Variants in CHRDL2 observed in about 807,000 individuals in gnomAD.
CHRDL2 encodes the protein chordin-like protein 2.
Under a neutral mutation model 54.3 loss-of-function variants are expected in CHRDL2, and 41 were observed. The ratio of observed to expected loss-of-function variants is 0.76; its 90% CI spans 0.59 to 0.98. The LOEUF is 0.98. Among genes scored for constraint, CHRDL2 ranks in the 50% least tolerant of loss-of-function variants. CHRDL2 has a pLI of 0.00. For missense variants in CHRDL2, 518 were observed against 562.4 expected (o/e 0.92, Z 0.80); for synonymous variants, 220 against 224.3 (o/e 0.98, Z 0.17).
intron 1 of CHRDL2, among the ~76,000 whole-genome samples, chr11:74,724,359 TTA>T (rs1216267157): frequency 2.0e-5 from 3 of 152,258 alleles, no homozygotes; most frequent in Non-Finnish European, 2.9e-5. Context: ...CCAAATCTCT[TTA>T]CCTGTCTGAA....
rs773832883 is a variant in CHRDL2 at position 74,706,534 on chromosome 11, T to C, written c.535A>G (p.Ser179Gly). The C allele has an allele frequency of 1.1e-5, 17 of 1,613,938 alleles. No individual in the cohort carries two copies. Among genetic ancestry groups the C allele is most frequent in the Non-Finnish European group, 1.4e-5 (16 of 1,179,956 alleles). Residue 179 changes from serine (S) to glycine (G), a missense_variant, in exon 6 of 11, where the codon AGT becomes GGT. Transcript: ENST00000376332. Reference sequence around the variant, plus strand: ...CTGTCCTCTTCATCCGATTGCTCACTTGCCTCATCTGAAAACTCAAAGGGA... The same window carrying C: ...CTGTCCTCTTCATCCGATTGCTCACCTGCCTCATCTGAAAACTCAAAGGGA... ...SCCQACKDEA[S>G]EQSDEEDSVQ...
In CHRDL2 at chr11:74,730,984, A is replaced by G; in HGVS notation, c.-96T>C. The G allele has an allele frequency of 1.0e-6, 1 of 981,970 alleles. No individual in the cohort carries two copies. Among genetic ancestry groups the G allele is most frequent in the Non-Finnish European group, 1.5e-6 (1 of 655,648 alleles). 60.8% of individuals were successfully genotyped at this position (981,970 alleles called of 1,614,324 possible). ...GCACAGGGGCCACAGATCAACCCAC[A>G]GACCCCAGGAGGTCTGCTGCTAGAG... On this transcript the variant is annotated 5_prime_UTR_variant, in exon 1 of 11. Coordinates refer to ENST00000376332, the MANE Select transcript of CHRDL2 (RefSeq NM_001278473.3).
At chr11:74,730,760 A>G in intron 1 of CHRDL2, 47 bp downstream of exon 1, 1 of 1,527,096 alleles carries the variant, frequency 6.5e-7, no homozygotes. Context: ...CTCACATTCC[A>G]GGGGCCGCAT....
chr11:74,718,406 C>T (rs1183894527), intron 2 of CHRDL2, among the ~76,000 whole-genome samples: 8 of 152,084 alleles, frequency 5.3e-5, no homozygotes, highest in Non-Finnish European at 4.4e-5. Flanking sequence ...CAAAAAGGCT[C>T]TGTCTTGGGC....
intron 3 of CHRDL2, 105 bp downstream of exon 3, chr11:74,713,281 G>A: frequency 1.1e-6 from 1 of 929,910 alleles, no homozygotes; most frequent in South Asian, 1.6e-5. Flanking sequence ...CACCTCTGAT[G>A]GGTAGAGACT....
intron 9 of CHRDL2, among the ~76,000 whole-genome samples, chr11:74,700,688 G>T (rs1782406592): frequency 6.7e-6 from 1 of 150,074 alleles, no homozygotes; most frequent in Non-Finnish European, 1.5e-5. Context: ...ACCCAGGCTG[G>T]AGTGCAGTGG....
rs201013977 is a variant in CHRDL2, at chr11:74,702,776, G to A, written c.1120+18C>T. 6.2e-7 allele frequency: 1 copy of A among 1,613,452 alleles called. No homozygotes were observed. The highest frequency in any genetic ancestry group is 1.1e-5 in the South Asian group (1 of 91,058). Reference sequence around the variant, plus strand: ...ACTGGCCAGAGGTACACCCCACTGGGAGTGGGCCAGCACTCACCTTTTACC... The same window carrying A: ...ACTGGCCAGAGGTACACCCCACTGGAAGTGGGCCAGCACTCACCTTTTACC... On this transcript the variant is annotated intron_variant, in intron 9 of 10. Transcript: ENST00000376332.
chr11:74,722,554 A>G (rs1403331507), intron 1 of CHRDL2, among the ~76,000 whole-genome samples: 5 of 152,112 alleles, frequency 3.3e-5, no homozygotes, highest in Non-Finnish European at 1.5e-5. Flanking sequence ...ATAGGTTTAA[A>G]AAAAAACAGA....
intron 1 of CHRDL2, among the ~76,000 whole-genome samples, chr11:74,726,641 TG>T (rs2135279624): frequency 6.6e-6 from 1 of 152,258 alleles, no homozygotes. Context: ...GGTTGGCGGC[TG>T]GGGGAACTTG....
chr11:74,707,664 A>C (rs2034054795), intron 5 of CHRDL2, among the ~76,000 whole-genome samples: 1 of 151,764 alleles, frequency 6.6e-6, no homozygotes, highest in Middle Eastern at 3.2e-3. Context: ...GCTTGCAGGG[A>C]CTTTGTCCCC....
chr11:74,696,557 G>T lies in CHRDL2; in HGVS notation c.1242C>A (p.Thr414=). The part of the protein sequence containing the change: ...EGHWNVFLAQ[T]LELKVTASPD... ...GACTGGCCGTGACCTTCAGCTCCAG[G>T]GTCTGGGCTAGGAAGACGTTCCAGT... Residue 414 remains threonine (T), a synonymous_variant, in exon 11 of 11, where the codon ACC becomes ACA. Coordinates refer to ENST00000376332, the MANE Select transcript of CHRDL2 (RefSeq NM_001278473.3). 6.2e-7 allele frequency: 1 copy of T among 1,614,066 alleles called. No individual in the cohort carries two copies. Among genetic ancestry groups the T allele is most frequent in the Non-Finnish European group, 8.5e-7 (1 of 1,179,998 alleles).
intron 6 of CHRDL2, among the ~76,000 whole-genome samples, chr11:74,706,152 G>A (rs550356525): frequency 6.6e-6 from 1 of 152,258 alleles, no homozygotes; most frequent in Admixed American, 6.5e-5. Flanking sequence ...CCATTCCCTG[G>A]GAAGAAGGTT....
chr11:74,717,159 G>T (rs1406298937), intron 2 of CHRDL2, among the ~76,000 whole-genome samples: 1 of 152,138 alleles, frequency 6.6e-6, no homozygotes, highest in African/African-American at 2.4e-5. Flanking sequence ...ATTTAGGGGG[G>T]GAAACAGGAA....
intron 2 of CHRDL2, among the ~76,000 whole-genome samples, chr11:74,717,393 C>A (rs530127939): frequency 5.3e-5 from 8 of 152,324 alleles, no homozygotes; most frequent in African/African-American, 1.9e-4. Flanking sequence ...TCAACTGGAC[C>A]ACATGATATG....
intron 1 of CHRDL2, among the ~76,000 whole-genome samples, chr11:74,720,522 A>C (rs11236230): frequency 0.3 from 45,060 of 151,968 alleles, 9,275 homozygotes; most frequent in African/African-American, 0.59. Context: ...TCTCTGCCCC[A>C]CCAGCCACCA....
At chr11:74,697,162 C>A in intron 10 of CHRDL2, 43 bp downstream of exon 10, 3 of 1,520,594 alleles carry the variant, frequency 2.0e-6, no homozygotes, top group South Asian at 1.1e-5. Flanking sequence ...CGTGTCCTTG[C>A]CTTCTTCCTG....
In CHRDL2 at chr11:74,713,098, G is replaced by GA. The variant is rs535884801; in HGVS notation, c.289+287dup. ...GCTCTGGAAGGCCCAAGGGAGACTG[G>GA]AGCCTAAGTGTGCCAGTCAGCAGCC... is the stretch of plus-strand genomic sequence containing the variant. On this transcript the variant is annotated intron_variant, in intron 3 of 10. Transcript: ENST00000376332. Among the ~76,000 whole-genome samples the GA allele has an allele frequency of 3.2e-3, 494 of 152,260 alleles. 2 individuals carry two copies. Among genetic ancestry groups the GA allele is most frequent in the Middle Eastern group, 6.8e-3 (2 of 294 alleles).
At chr11:74,718,678 G>A (rs749866447) in intron 2 of CHRDL2, 42 bp downstream of exon 2, 21 of 1,367,482 alleles carry the variant, frequency 1.5e-5, no homozygotes, top group Non-Finnish European at 1.7e-5. Flanking sequence ...AGGGTTCTCA[G>A]ACATCCCTGA....
intron 2 of CHRDL2, among the ~76,000 whole-genome samples, chr11:74,715,749 C>T (rs760867069): frequency 6.0e-5 from 9 of 150,524 alleles, no homozygotes; most frequent in Non-Finnish European, 1.0e-4. Context: ...GATGCCAAGG[C>T]GGGCAGATTG....
Sources: gnomAD v4.1 joint callset for allele counts (sites outside exome capture counted in the v4.1 genomes callset) on GRCh38, gnomAD v4.1.1 for gene constraint, MANE v1.5 for transcripts, NCBI Gene and HGNC (gene_info 2026-07-23, HGNC 2026-07-21) for gene names.